KLHL25: variants seen among roughly 807,000 people sequenced by gnomAD.
The protein encoded by KLHL25 is kelch like family member 25, also known as kelch-like protein 25.
KLHL25 carries 41 observed loss-of-function variants against 30.0 expected under a neutral mutation model. The observed-to-expected ratio is 1.37, with a 90% CI of 1.07 to 1.78. The LOEUF is 1.78. KLHL25 is among the 40% of genes most tolerant of loss of function. The pLI, the probability that KLHL25 is intolerant of heterozygous loss-of-function variation, is 0.00. For missense variants in KLHL25, 971 were observed against 824.5 expected, an observed-to-expected ratio of 1.18 and a Z score of -2.18; for synonymous variants, 399 against 355.3, an observed-to-expected ratio of 1.12 and a Z score of -1.38.
chr15:85,780,287 C>A (rs1397847000), intron 1 of KLHL25, among the ~76,000 whole-genome samples: 1 of 152,228 alleles, frequency 6.6e-6, no homozygotes, highest in Non-Finnish European at 1.5e-5. Flanking sequence ...CAGGTTCACC[C>A]ATCTGGTGAA....
chr15:85,778,990 G>C (rs766644456), intron 1 of KLHL25, among the ~76,000 whole-genome samples: 2 of 151,876 alleles, frequency 1.3e-5, no homozygotes. Context: ...ACCTATCCAG[G>C]ACTTGCCCAG....
At chr15:85,772,984 G>A (rs1015569913) in intron 1 of KLHL25, among the ~76,000 whole-genome samples, 1 of 152,244 alleles carries the variant, frequency 6.6e-6, no homozygotes, top group South Asian at 2.1e-4. Context: ...TCTGGGCAGC[G>A]CCTGCCCCTG....
At chr15:85,776,481 C>T (rs12324250) in intron 1 of KLHL25, among the ~76,000 whole-genome samples, 13,330 of 151,328 alleles carry the variant, frequency 0.088, 649 homozygotes, top group Non-Finnish European at 0.11. Flanking sequence ...AGAGAGGCTC[C>T]GTCTCAATCA....
chr15:85,793,958 G>T (rs2151814987), intron 1 of KLHL25, among the ~76,000 whole-genome samples: 1 of 152,302 alleles, frequency 6.6e-6, no homozygotes, highest in Non-Finnish European at 1.5e-5. Context: ...GCACTTTGGG[G>T]GCTTAGAGCA....
intron 1 of KLHL25, among the ~76,000 whole-genome samples, chr15:85,775,272 G>A (rs1376815564): frequency 6.6e-6 from 1 of 152,148 alleles, no homozygotes; most frequent in African/African-American, 2.4e-5. Flanking sequence ...GCCAAACCTG[G>A]CTTTTGGGCT....
intron 1 of KLHL25, among the ~76,000 whole-genome samples, chr15:85,780,963 A>G (rs570527865): frequency 2.6e-5 from 4 of 152,268 alleles, no homozygotes; most frequent in African/African-American, 7.2e-5. Flanking sequence ...AACAACTACA[A>G]TGTTCACGAA....
In KLHL25 at chr15:85,789,387, CT is replaced by C. The variant is rs5814216; in HGVS notation, c.-11+5378del. ...GCCCTGCTGGGCTCCCTTGAGATCC[CT>C]TTTTTTTTTTTTGACAGAATTTTAC... On this transcript the variant is annotated intron_variant, in intron 1 of 2. Coordinates refer to ENST00000337975, the MANE Select transcript of KLHL25 (RefSeq NM_022480.4). The surrounding 1 kb of genome is among the most constrained non-coding windows in gnomAD (Gnocchi z 4.1). 0.31 allele frequency among the ~76,000 whole-genome samples: 45,872 copies of C among 146,674 alleles called. 7,234 individuals are homozygous for C. Among genetic ancestry groups the C allele is most frequent in the South Asian group, 0.44 (2,061 of 4,666 alleles).
intron 1 of KLHL25, among the ~76,000 whole-genome samples, chr15:85,793,754 C>G (rs2089832284): frequency 6.6e-6 from 1 of 152,176 alleles, no homozygotes; most frequent in Non-Finnish European, 1.5e-5. Context: ...GTCCAGACAC[C>G]TGGCATTCTC....
chr15:85,787,440 C>A (rs1366896923), intron 1 of KLHL25, among the ~76,000 whole-genome samples: 1 of 151,968 alleles, frequency 6.6e-6, no homozygotes, highest in East Asian at 1.9e-4. Context: ...GAGCGAAACT[C>A]AGTCTCAAAA....
chr15:85,777,235 T>C (rs778645986), intron 1 of KLHL25, among the ~76,000 whole-genome samples: 1 of 152,170 alleles, frequency 6.6e-6, no homozygotes. Context: ...GGTCCCTGCA[T>C]CAAATAGCTC....
In KLHL25 at chr15:85,769,023, T is replaced by G. The variant is rs779135834; in HGVS notation, c.788A>C (p.Lys263Thr). The G allele has an allele frequency of 1.6e-5, 26 of 1,610,226 alleles. No individual in the cohort carries two copies. Among genetic ancestry groups the G allele is most frequent in the Non-Finnish European group, 2.1e-5 (25 of 1,178,836 alleles). Residue 263 changes from lysine (K) to threonine (T), a missense_variant, in exon 2 of 3, where the codon AAG becomes ACG. Lys to Thr is a moderately conservative substitution (Grantham distance 78). Coordinates refer to ENST00000337975, the MANE Select transcript of KLHL25 (RefSeq NM_022480.4). ...EALLMADERT[K>T]LIMDEALRCK... ...GCGCAGGGCCTCATCCATGATAAGCTTGGTGCGCTCGTCTGCCATGAGGAG... is the reference window on the plus strand; with the variant it reads ...GCGCAGGGCCTCATCCATGATAAGCGTGGTGCGCTCGTCTGCCATGAGGAG...
chr15:85,778,952 G>T (rs1270175380), intron 1 of KLHL25, among the ~76,000 whole-genome samples: 1 of 152,090 alleles, frequency 6.6e-6, no homozygotes, highest in Non-Finnish European at 1.5e-5. Flanking sequence ...AGGGAATCAG[G>T]ACTGAGAAAG....
At chr15:85,774,696 C>G (rs1402303168) in intron 1 of KLHL25, among the ~76,000 whole-genome samples, 1 of 151,996 alleles carries the variant, frequency 6.6e-6, no homozygotes, top group Non-Finnish European at 1.5e-5. Flanking sequence ...ACGAGGGTGT[C>G]AGCTCCATCA....
At chr15:85,791,476 C>T (rs761118752) in intron 1 of KLHL25, among the ~76,000 whole-genome samples, 3 of 152,184 alleles carry the variant, frequency 2.0e-5, no homozygotes, top group African/African-American at 7.2e-5. Flanking sequence ...GCCTGGGCGA[C>T]AGAGCGAGAC....
chr15:85,788,984 C>A (rs1019646540), intron 1 of KLHL25, among the ~76,000 whole-genome samples: 1 of 152,202 alleles, frequency 6.6e-6, no homozygotes, highest in Non-Finnish European at 1.5e-5. Context: ...ATTGGCCTGG[C>A]CAACAGCAAA....
At chr15:85,762,116 C>G (rs892011545) in intron 2 of KLHL25, 1 of 152,356 alleles carries the variant, frequency 6.6e-6, no homozygotes, top group Non-Finnish European at 1.5e-5. Context: ...AGGCTGGGTT[C>G]GGCGACTGAG....
At position 85,784,326 on chromosome 15, in the gene KLHL25, C is replaced by T. The variant is rs913928691; in HGVS notation, c.-11+10440G>A. Among the ~76,000 whole-genome samples the T allele has an allele frequency of 2.6e-4, 40 of 152,170 alleles. No individual in the cohort carries two copies. In the East Asian group the frequency reaches 3.9e-3, roughly 15 times the overall value. ...GGCGGATCACCGGAGGTCAGGAGTT[C>T]GAGACCAGCCTGGCCAACATGATGA... On this transcript the variant is annotated intron_variant, in intron 1 of 2. Coordinates refer to ENST00000337975, the MANE Select transcript of KLHL25 (RefSeq NM_022480.4).
chr15:85,770,819 G>A (rs539658278), intron 1 of KLHL25, among the ~76,000 whole-genome samples: 11 of 152,286 alleles, frequency 7.2e-5, no homozygotes, highest in South Asian at 4.1e-4. Context: ...GGGACCTGGC[G>A]CTCAGAGTGA....
chr15:85,762,078 C>G (rs1159801239), intron 2 of KLHL25: 1 of 152,340 alleles, frequency 6.6e-6, no homozygotes. Flanking sequence ...CTGCCCTCCC[C>G]ACGTGCTCAA....
Sources: allele counts gnomAD v4.1 joint callset (sites outside exome capture counted in the v4.1 genomes callset), GRCh38; gene constraint gnomAD v4.1.1; non-coding constraint Gnocchi (gnomAD v3.1); transcripts MANE v1.5; gene names NCBI Gene and HGNC (gene_info 2026-07-23, HGNC 2026-07-21).